MBL2: variants seen among roughly 807,000 people sequenced by gnomAD.
MBL2 encodes the protein mannose binding lectin 2.
A neutral mutation model predicts 12.7 loss-of-function variants in MBL2; 6 were observed. The ratio of observed to expected loss-of-function variants is 0.47; its 90% CI spans 0.26 to 0.94. The LOEUF is 0.94. Ranked by LOEUF, MBL2 falls within the 40% of genes least tolerant of loss-of-function variation. The pLI is 0.15. For missense variants in MBL2, 307 were observed against 295.2 expected (o/e 1.04, Z -0.29); for synonymous variants, 114 against 112.0 (o/e 1.02, Z -0.11).
Position 52,769,234 on chromosome 10 carries a change from A to C in MBL2, c.373+13T>G. 6.3e-7 allele frequency: 1 copy of C among 1,590,484 alleles called. No individual in the cohort carries two copies. Among genetic ancestry groups the C allele is most frequent in the Non-Finnish European group, 8.6e-7 (1 of 1,166,950 alleles). On this transcript the variant is annotated intron_variant, in intron 4 of 4. Transcript: ENST00000674931. ...AACTTCAAGCTGCCTGGAGAGTAAG[A>C]GAAAAAGCTTACACTTTTTGATACG...
In MBL2 at chr10:52,767,978, T is replaced by C; in HGVS notation, c.*159A>G. 2 of 769,246 alleles carry C rather than the reference T, an allele frequency of 2.6e-6. No individual in the cohort carries two copies. Among genetic ancestry groups the C allele is most frequent in the South Asian group, 4.9e-5 (2 of 40,552 alleles). The allele number at this position is 769,246 out of a possible 1,614,324, so 47.7% of individuals were successfully genotyped here. A position where few individuals can be genotyped will look rare whatever the true frequency, so the allele number is the denominator to read the frequency against. On this transcript the variant is annotated 3_prime_UTR_variant, in exon 5 of 5. Transcript: ENST00000674931. ...CTGCTGCTAACTACTACTACTACTA[T>C]TATTGCTTTGTTGGTGCTGTTAGTG...
At chr10:52,769,386 T>C (rs1264609210) in intron 3 of MBL2, 71 bp from the exon 4 acceptor site, 3 of 787,488 alleles carry the variant, frequency 3.8e-6, no homozygotes, top group Non-Finnish European at 4.1e-6. Flanking sequence ...TACAAGGGAG[T>C]GGAGTATCTT....
At position 52,771,769 on chromosome 10, in the gene MBL2, A is replaced by T. The variant is rs906994245; in HGVS notation, c.-9-125T>A. 1.1e-5 allele frequency: 15 copies of T among 1,363,318 alleles called. No homozygotes were observed. In the African/African-American group the frequency reaches 2.2e-4, roughly 20 times the overall value. 84.5% of individuals were successfully genotyped at this position (1,363,318 alleles called of 1,614,324 possible). The stretch of plus-strand genomic sequence containing the variant: ...AATAGATGACCCATCCCTGGCCTCT[A>T]GCTGGGGATTTGGAAAAGTAAACAT... On this transcript the variant is annotated intron_variant, in intron 1 of 4. Coordinates refer to ENST00000674931, the MANE Select transcript of MBL2 (RefSeq NM_001378373.1).
rs932329762 is a variant in MBL2 at position 52,767,338 on chromosome 10, A to T, written c.*799T>A. ...AGGATGAAACTTTTGTACACATGACATGAATGAATCTCACAGACTTAATTC... is the reference window on the plus strand; with the variant it reads ...AGGATGAAACTTTTGTACACATGACTTGAATGAATCTCACAGACTTAATTC... On this transcript the variant is annotated 3_prime_UTR_variant, in exon 5 of 5. Coordinates refer to ENST00000674931, the MANE Select transcript of MBL2 (RefSeq NM_001378373.1). 9.2e-5 allele frequency: 14 copies of T among 152,090 alleles called. No homozygotes were observed. Among genetic ancestry groups the T allele is most frequent in the African/African-American group, 3.1e-4 (13 of 41,312 alleles). 9.4% of individuals were successfully genotyped at this position (152,090 alleles called of 1,614,324 possible). A position where few individuals can be genotyped will look rare whatever the true frequency, so the allele number is the denominator to read the frequency against.
rs761182540 is a variant in MBL2, at chr10:52,771,842, G to A, written c.-9-198C>T. The A allele has an allele frequency of 1.1e-5, 8 of 705,034 alleles. No homozygotes were observed. In the African/African-American group the frequency reaches 1.3e-4, roughly 11 times the overall value. 43.7% of individuals were successfully genotyped at this position (705,034 alleles called of 1,614,324 possible). On this transcript the variant is annotated intron_variant, in intron 1 of 4. Transcript: ENST00000674931. ...GTACTTTAACAAAGGTAGGCACTATGATGAGCAGTGGGGATCCTAAGGAGG... is the reference window on the plus strand; with the variant it reads ...GTACTTTAACAAAGGTAGGCACTATAATGAGCAGTGGGGATCCTAAGGAGG...
At position 52,768,469 on chromosome 10, in the gene MBL2, A is replaced by C; in HGVS notation, c.415T>G (p.Phe139Val). ...GTCATTATTTCACCATTGGTCAGGA[A>C]GAACTTGTTCCCAACTTGTTTGCCC... is the stretch of plus-strand genomic sequence containing the variant. ...SLGKQVGNKF[F>V]LTNGEIMTFE... Residue 139 changes from phenylalanine to valine, a missense_variant, in exon 5 of 5, where the codon TTC becomes GTC. Coordinates refer to ENST00000674931, the MANE Select transcript of MBL2 (RefSeq NM_001378373.1). 1.9e-5 allele frequency: 31 copies of C among 1,597,062 alleles called. No homozygotes were observed. The highest frequency in any genetic ancestry group is 2.6e-5 in the Non-Finnish European group (30 of 1,173,120).
intron 4 of MBL2, among the ~76,000 whole-genome samples, chr10:52,768,796 C>T (rs923012120): frequency 1.2e-4 from 18 of 152,062 alleles, no homozygotes; most frequent in African/African-American, 4.3e-4. Flanking sequence ...GGTACAAAGG[C>T]CTCTCTGTGC....
In MBL2 at chr10:52,767,483, C is replaced by T. The variant is rs1482285820; in HGVS notation, c.*654G>A. 3.3e-5 allele frequency: 5 copies of T among 151,878 alleles called. No homozygotes were observed. Among genetic ancestry groups the T allele is most frequent in the African/African-American group, 1.2e-4 (5 of 41,214 alleles). The allele number at this position is 151,878 out of a possible 1,614,324, so 9.4% of individuals were successfully genotyped here. The stretch of plus-strand genomic sequence containing the variant: ...AATAGTATTTTCCTAGGAGTTAGTA[C>T]TAGGAGGAGTTATAACGGGGCTTCT... On this transcript the variant is annotated 3_prime_UTR_variant, in exon 5 of 5. Transcript: ENST00000674931.
chr10:52,768,424 AG>A lies in MBL2; in HGVS notation c.459del (p.Leu154CysfsTer45). 2 of 1,612,678 alleles carry A rather than the reference AG, an allele frequency of 1.2e-6. No individual in the cohort carries two copies. Among genetic ancestry groups the A allele is most frequent in the Non-Finnish European group, 1.7e-6 (2 of 1,179,656 alleles). On this transcript the variant is annotated frameshift_variant, in exon 5 of 5. Coordinates refer to ENST00000674931, the MANE Select transcript of MBL2 (RefSeq NM_001378373.1). LOFTEE classifies it low-confidence loss of function (END_TRUNC). ...GEIMTFEKVK[A>X]LCVKFQASVA... ...ACAGAGGCCTGGAACTTGACACACA[AG>A]GCCTTCACTTTTTCAAAGGTCATTA... is the stretch of plus-strand genomic sequence containing the variant.
Position 52,769,258 on chromosome 10 carries a change from C to A in MBL2, c.362G>T (p.Arg121Leu), listed in dbSNP as rs200416222. Residue 121 changes from arginine to leucine, a missense_variant, in exon 4 of 5, where the codon CGT (arginine) becomes CTT (leucine). Physicochemically the swap from Arg to Leu is moderately radical, Grantham distance 102. Coordinates refer to ENST00000674931, the MANE Select transcript of MBL2 (RefSeq NM_001378373.1). Reference protein sequence around the residue: ...ERKALQTEMARIKKWLTFSLG... With the variant: ...ERKALQTEMALIKKWLTFSLG... ...GAGAAAAAGCTTACACTTTTTGATA[C>A]GTGCCATTTCTGTTTGCAGAGCTTT... 6.2e-7 allele frequency: 1 copy of A among 1,608,570 alleles called. No homozygotes were observed. The highest frequency in any genetic ancestry group is 1.3e-5 in the African/African-American group (1 of 74,242).
In MBL2 at chr10:52,771,543, G is replaced by T. The variant is rs764288260; in HGVS notation, c.93C>A (p.Thr31=). ...ETVTCEDAQK[T]CPAVIACSSP... ...AGCTACAGGCAATCACTGCAGGGCAGGTCTTTTGGGCATCCTCACAGGTCA... is the reference window on the plus strand; with the variant it reads ...AGCTACAGGCAATCACTGCAGGGCATGTCTTTTGGGCATCCTCACAGGTCA... Residue 31 remains threonine (T), a synonymous_variant, in exon 2 of 5, where the codon ACC becomes ACA. Transcript: ENST00000674931. 3 of 1,613,936 alleles carry T rather than the reference G, an allele frequency of 1.9e-6. No individual in the cohort carries two copies. The East Asian group carries it at 6.7e-5, about 36-fold the overall frequency.
rs1454814034 is a variant in MBL2, at chr10:52,765,424, T to C, written c.*2713A>G. On this transcript the variant is annotated 3_prime_UTR_variant, in exon 5 of 5. Coordinates refer to ENST00000674931, the MANE Select transcript of MBL2 (RefSeq NM_001378373.1). ...TTCCATCAAAGCAAGGTTGATTTAA[T>C]TTTTAAAAATCGATATGTGTTATGT... 6.6e-6 allele frequency: 1 copy of C among 152,234 alleles called. No individual in the cohort carries two copies. Among genetic ancestry groups the C allele is most frequent in the Non-Finnish European group, 1.5e-5 (1 of 68,038 alleles). The allele number at this position is 152,234 out of a possible 1,614,324, so 9.4% of individuals were successfully genotyped here.
In MBL2 at chr10:52,767,547, G is replaced by A. The variant is rs1013361080; in HGVS notation, c.*590C>T. ...TGTCCCATATCTTAATCTAGAAAGT[G>A]AGTATATAGGTATGTATGTGTGTGA... is the stretch of plus-strand genomic sequence containing the variant. On this transcript the variant is annotated 3_prime_UTR_variant, in exon 5 of 5. Coordinates refer to ENST00000674931, the MANE Select transcript of MBL2 (RefSeq NM_001378373.1). The A allele has an allele frequency of 1.3e-5, 2 of 151,972 alleles. No individual in the cohort carries two copies. The highest frequency in any genetic ancestry group is 4.8e-5 in the African/African-American group (2 of 41,264). The allele number at this position is 151,972 out of a possible 1,614,324, so 9.4% of individuals were successfully genotyped here. A position where few individuals can be genotyped will look rare whatever the true frequency, so the allele number is the denominator to read the frequency against.
Position 52,767,204 on chromosome 10 carries a change from G to A in MBL2, c.*933C>T, listed in dbSNP as rs1325242427. ...AAAAGACAAGTCCAGGAATGTTCGT[G>A]GGTTCTCTTCCTCATGGCCAAAAAT... On this transcript the variant is annotated 3_prime_UTR_variant, in exon 5 of 5. Transcript: ENST00000674931. The A allele has an allele frequency of 1.3e-5, 2 of 151,904 alleles. No homozygotes were observed. Among genetic ancestry groups the A allele is most frequent in the African/African-American group, 2.4e-5 (1 of 41,248 alleles). 9.4% of individuals were successfully genotyped at this position (151,904 alleles called of 1,614,324 possible). A position where few individuals can be genotyped will look rare whatever the true frequency, so the allele number is the denominator to read the frequency against.
Position 52,767,904 on chromosome 10 carries a change from C to T in MBL2, c.*233G>A. 5.4e-6 allele frequency: 2 copies of T among 373,744 alleles called. No individual in the cohort carries two copies. Among genetic ancestry groups the T allele is most frequent in the Non-Finnish European group, 9.4e-6 (2 of 212,870 alleles). 23.2% of individuals were successfully genotyped at this position (373,744 alleles called of 1,614,324 possible). A position where few individuals can be genotyped will look rare whatever the true frequency, so the allele number is the denominator to read the frequency against. On this transcript the variant is annotated 3_prime_UTR_variant, in exon 5 of 5. Coordinates refer to ENST00000674931, the MANE Select transcript of MBL2 (RefSeq NM_001378373.1). The stretch of plus-strand genomic sequence containing the variant: ...TTAATGTAGGATGCAAAAGATAGGG[C>T]CTCATAGTATATATTAAAAATATTA...
chr10:52,772,635 C>G, intron 1 of MBL2, 102 bp downstream of exon 1: 1 of 576,518 alleles, frequency 1.7e-6, no homozygotes, highest in Non-Finnish European at 2.2e-6. Context: ...TTCCATCCCA[C>G]TCCCCCCACC....
rs1840341541 is a variant in MBL2 at position 52,768,480 on chromosome 10, C to T, written c.404G>A (p.Gly135Glu). Residue 135 changes from glycine to glutamate, a missense_variant, in exon 5 of 5, where the codon GGG becomes GAG. By Grantham distance (98) the Gly-to-Glu change is moderately conservative. Coordinates refer to ENST00000674931, the MANE Select transcript of MBL2 (RefSeq NM_001378373.1). ...ACCATTGGTCAGGAAGAACTTGTTC[C>T]CAACTTGTTTGCCCAGAGAGAAGGT... is the stretch of plus-strand genomic sequence containing the variant. ...WLTFSLGKQVGNKFFLTNGEI... is the reference protein window; with the variant it reads ...WLTFSLGKQVENKFFLTNGEI... 36 of 1,586,148 alleles carry T rather than the reference C, an allele frequency of 2.3e-5. No individual in the cohort carries two copies. The highest frequency in any genetic ancestry group is 3.1e-5 in the Non-Finnish European group (36 of 1,167,698).
intron 4 of MBL2, among the ~76,000 whole-genome samples, chr10:52,769,007 C>A (rs1013284309): frequency 6.6e-6 from 1 of 151,952 alleles, no homozygotes; most frequent in Non-Finnish European, 1.5e-5. Flanking sequence ...TAGGGTCTCT[C>A]GAGTCAGACT....
Position 52,769,000 on chromosome 10 carries a change from G to A in MBL2, c.373+247C>T, listed in dbSNP as rs34800386. 2.9e-3 allele frequency among the ~76,000 whole-genome samples: 441 copies of A among 151,986 alleles called. 7 individuals carry two copies. The highest frequency in any genetic ancestry group is 0.025 in the East Asian group (128 of 5,180). Reference sequence around the variant, plus strand: ...GCAATATCAGACGGTAAAGGATTAGGGTCTCTCGAGTCAGACTGACTTCCA... The same window carrying A: ...GCAATATCAGACGGTAAAGGATTAGAGTCTCTCGAGTCAGACTGACTTCCA... On this transcript the variant is annotated intron_variant, in intron 4 of 4. Coordinates refer to ENST00000674931, the MANE Select transcript of MBL2 (RefSeq NM_001378373.1).
Sources: allele counts gnomAD v4.1 joint callset (sites outside exome capture counted in the v4.1 genomes callset), GRCh38; gene constraint gnomAD v4.1.1; transcripts MANE v1.5; gene names NCBI Gene and HGNC (gene_info 2026-07-23, HGNC 2026-07-21).